The following PM20D2 variants were observed in gnomAD, a reference collection of about 807,000 sequenced individuals.
PM20D2 encodes the protein peptidase M20 domain containing 2.
In PM20D2, 33 loss-of-function variants were observed where a neutral mutation model predicts 42.9. That is an observed-to-expected ratio of 0.77 (90% CI 0.58 to 1.03). PM20D2 has a LOEUF of 1.03. PM20D2 is among the 50% of genes least tolerant of loss of function. The probability of loss-of-function intolerance (pLI) is 0.00; values close to 1 mark genes in which losing one functional copy is unlikely to be tolerated. For missense variants in PM20D2, 548 were observed against 557.0 expected, an observed-to-expected ratio of 0.98 and a Z score of 0.16; for synonymous variants, 250 against 228.2, an observed-to-expected ratio of 1.10 and a Z score of -0.86.
chr6:89,154,700 A>C (rs767354417), intron 3 of PM20D2, 48 bp from the exon 4 acceptor site: 1 of 1,374,274 alleles, frequency 7.3e-7, no homozygotes, highest in Admixed American at 2.6e-5. Flanking sequence ...TTTAAGCTTA[A>C]AGAAATGGTC....
At chr6:89,126,561 A>G in the PM20D2 span, among the ~76,000 whole-genome samples, 6 of 151,584 alleles carry the variant, frequency 4.0e-5, no homozygotes, top group Admixed American at 3.3e-4. Flanking sequence ...GCAGGCGCCT[A>G]TAATCCCAGC....
chr6:89,105,467 G>A, the PM20D2 span: 1 of 1,611,368 alleles, frequency 6.2e-7, no homozygotes, highest in Admixed American at 1.7e-5. Flanking sequence ...CAATCTGACG[G>A]CCACATACCC....
At chr6:89,156,192 G>A (rs114697580) in intron 4 of PM20D2, among the ~76,000 whole-genome samples, 2 of 152,034 alleles carry the variant, frequency 1.3e-5, no homozygotes, top group Non-Finnish European at 2.9e-5. Context: ...TGGTTTTGTT[G>A]ATTTGAACTA....
chr6:89,117,797 C>A, the PM20D2 span: 21 of 1,542,762 alleles, frequency 1.4e-5, no homozygotes, highest in Non-Finnish European at 1.7e-5. Context: ...CCTCCGCGCC[C>A]CCAACCTGCA....
At chr6:89,117,869 G>T in the PM20D2 span, 1 of 1,562,302 alleles carries the variant, frequency 6.4e-7, no homozygotes, top group East Asian at 2.6e-5. Context: ...GTGTTGGGGG[G>T]CCTCGTGTAG....
rs984071630 is a variant in PM20D2 at position 89,164,673 on chromosome 6, G to A, written c.*2410G>A. The A allele has an allele frequency of 6.6e-6, 1 of 152,388 alleles. No homozygotes were observed. Among genetic ancestry groups the A allele is most frequent in the African/African-American group, 2.4e-5 (1 of 41,406 alleles). 9.4% of individuals were successfully genotyped at this position (152,388 alleles called of 1,614,324 possible). The stretch of plus-strand genomic sequence containing the variant: ...TTAATGTCTTTAGCACACTAAAGCA[G>A]TATTAAACACAGGTACAAGTTGGAA... On this transcript the variant is annotated 3_prime_UTR_variant, in exon 7 of 7. Transcript: ENST00000275072.
In PM20D2 at chr6:89,164,750, AAG is replaced by A. The variant is rs1436029297; in HGVS notation, c.*2490_*2491del. 6.6e-6 allele frequency: 1 copy of A among 152,370 alleles called. No individual in the cohort carries two copies. The highest frequency in any genetic ancestry group is 1.5e-5 in the Non-Finnish European group (1 of 67,968). The allele number at this position is 152,370 out of a possible 1,614,324, so 9.4% of individuals were successfully genotyped here. A position where few individuals can be genotyped will look rare whatever the true frequency, so the allele number is the denominator to read the frequency against. On this transcript the variant is annotated 3_prime_UTR_variant, in exon 7 of 7. Transcript: ENST00000275072. The stretch of plus-strand genomic sequence containing the variant: ...ACAAAATGTCTATGGTAGGGAATAA[AAG>A]AGTTTAAGATATTATGTAAAATTAT...
chr6:89,120,711 A>G, the PM20D2 span, among the ~76,000 whole-genome samples: 1 of 144,418 alleles, frequency 6.9e-6, no homozygotes, highest in Admixed American at 6.9e-5. Context: ...ACAGAAAATT[A>G]AAAAAAAAAA....
intron 1 of PM20D2, 130 bp downstream of exon 1, chr6:89,146,739 C>A: frequency 2.8e-6 from 2 of 716,324 alleles, no homozygotes; most frequent in Non-Finnish European, 4.1e-6. Flanking sequence ...TGTGGGACCG[C>A]GCTAAACCTG....
chr6:89,106,990 G>C, the PM20D2 span: 3 of 743,134 alleles, frequency 4.0e-6, no homozygotes, highest in Non-Finnish European at 6.9e-6. Flanking sequence ...TTCAAACTGG[G>C]GGGTGCTTGC....
chr6:89,130,289 A>T, the PM20D2 span, among the ~76,000 whole-genome samples: 3 of 151,112 alleles, frequency 2.0e-5, no homozygotes, highest in Admixed American at 6.6e-5. Context: ...AGTAGAGATG[A>T]GGGCTCACTA....
chr6:89,110,441 T>C, the PM20D2 span, among the ~76,000 whole-genome samples: 3 of 152,066 alleles, frequency 2.0e-5, no homozygotes, highest in East Asian at 1.9e-4. Flanking sequence ...CCACCACCAG[T>C]CTGGTGGAGG....
Position 89,158,478 on chromosome 6 carries a change from T to TA in PM20D2, c.1048+19dup, listed in dbSNP as rs397828364. 1.3e-4 allele frequency: 215 copies of TA among 1,597,260 alleles called. No homozygotes were observed. In the Middle Eastern group the frequency reaches 2.1e-3, roughly 16 times the overall value. Reference sequence around the variant, plus strand: ...CCCTTCAGGTAATTAAGTGTTTTTTTATATATTGAGCTATTTGAGGAAGAG... The same window carrying TA: ...CCCTTCAGGTAATTAAGTGTTTTTTTAATATATTGAGCTATTTGAGGAAGAG... On this transcript the variant is annotated intron_variant, in intron 5 of 6. Transcript: ENST00000275072.
Position 89,146,495 on chromosome 6 carries a change from GC to G in PM20D2, c.354del (p.Gly119AlafsTer22), listed in dbSNP as rs1452795913. The G allele has an allele frequency of 2.6e-6, 4 of 1,523,676 alleles. No individual in the cohort carries two copies. Among genetic ancestry groups the G allele is most frequent in the South Asian group, 1.2e-5 (1 of 82,696 alleles). The allele number at this position is 1,523,676 out of a possible 1,614,324, so 94.4% of individuals were successfully genotyped here. A position where few individuals can be genotyped will look rare whatever the true frequency, so the allele number is the denominator to read the frequency against. On this transcript the variant is annotated frameshift_variant, in exon 1 of 7. Coordinates refer to ENST00000275072, the MANE Select transcript of PM20D2 (RefSeq NM_001010853.3). LOFTEE classifies it high-confidence loss of function. ...LGFLCEYDAL[P>X]GIGHACGHNL... Reference sequence around the variant, plus strand: ...GCTTCCTCTGCGAGTACGACGCGCTGCCCGGCATCGGCCACGCCTGCGGCCA... The same window carrying G: ...GCTTCCTCTGCGAGTACGACGCGCTGCCGGCATCGGCCACGCCTGCGGCCA...
At chr6:89,100,263 G>C in the PM20D2 span, among the ~76,000 whole-genome samples, 1 of 152,230 alleles carries the variant, frequency 6.6e-6, no homozygotes, top group Non-Finnish European at 1.5e-5. Flanking sequence ...AGTGCTGAGA[G>C]AGAGATTAGA....
chr6:89,115,828 G>A, the PM20D2 span, among the ~76,000 whole-genome samples: 1 of 150,688 alleles, frequency 6.6e-6, no homozygotes, highest in Admixed American at 6.6e-5. Context: ...GTAGAGACGG[G>A]GTTTCATCGT....
chr6:89,122,943 C>A, the PM20D2 span, among the ~76,000 whole-genome samples: 2 of 152,202 alleles, frequency 1.3e-5, no homozygotes, highest in African/African-American at 4.8e-5. Flanking sequence ...TCATTCCACA[C>A]AATCAGTTGG....
chr6:89,146,638 A>G (rs1303931510), intron 1 of PM20D2, 29 bp downstream of exon 1: 24 of 1,375,886 alleles, frequency 1.7e-5, no homozygotes, highest in Non-Finnish European at 2.8e-6. Context: ...GCGGGACCCT[A>G]TCCGACTGCC....
At chr6:89,117,605 C>T in the PM20D2 span, among the ~76,000 whole-genome samples, 1 of 152,160 alleles carries the variant, frequency 6.6e-6, no homozygotes, top group Non-Finnish European at 1.5e-5. Context: ...GTGCGCGGCG[C>T]CGGGGCTGAA....
Sources: allele counts gnomAD v4.1 joint callset (sites outside exome capture counted in the v4.1 genomes callset), GRCh38; gene constraint gnomAD v4.1.1; transcripts MANE v1.5; gene names NCBI Gene and HGNC (gene_info 2026-07-23, HGNC 2026-07-21).